Variants in DIS3L observed in about 807,000 individuals in gnomAD.
The protein encoded by DIS3L is DIS3-like exonuclease 1.
In DIS3L, 100 loss-of-function variants were observed where a neutral mutation model predicts 120.3. The ratio of observed to expected loss-of-function variants is 0.83; its 90% CI spans 0.71 to 0.98. The LOEUF (loss-of-function observed/expected upper bound fraction) is 0.98, where lower values mean the gene tolerates loss of function less well. Ranked by LOEUF, DIS3L falls within the 50% of genes least tolerant of loss-of-function variation. The probability of loss-of-function intolerance (pLI) is 0.00; values close to 1 mark genes in which losing one functional copy is unlikely to be tolerated. For synonymous variants in DIS3L, 426 were observed against 470.6 expected (o/e 0.91, Z 1.23); for missense variants, 1,196 against 1,314.2 (o/e 0.91, Z 1.39).
intron 8 of DIS3L, 123 bp downstream of exon 8, chr15:66,318,741 G>A (rs1189861970): frequency 3.9e-6 from 4 of 1,034,486 alleles, no homozygotes; most frequent in Non-Finnish European, 5.5e-6. Flanking sequence ...AATTATTGAT[G>A]GCATCTGGCA....
Position 66,315,118 on chromosome 15 carries a change from T to C in DIS3L, c.897T>C (p.Leu299=), listed in dbSNP as rs2092803607. The C allele has an allele frequency of 6.2e-7, 1 of 1,613,890 alleles. No homozygotes were observed. The highest frequency in any genetic ancestry group is 1.3e-5 in the African/African-American group (1 of 74,866). Residue 299 remains leucine (L), a synonymous_variant, in exon 7 of 17, where the codon CTT becomes CTC. Coordinates refer to ENST00000319212, the MANE Select transcript of DIS3L (RefSeq NM_001143688.3). ...IHGDVVVVEL[L]PKNEWKGRTV... ...GAGATGTGGTAGTTGTGGAGCTGCT[T>C]CCTAAAAATGAATGGAAAGGAAGAA... is the stretch of plus-strand genomic sequence containing the variant.
chr15:66,316,147 G>A (rs186550467), intron 7 of DIS3L, among the ~76,000 whole-genome samples: 3 of 151,982 alleles, frequency 2.0e-5, no homozygotes, highest in Non-Finnish European at 2.9e-5. Context: ...TGTCTATTTG[G>A]CATCTTCCCC....
intron 14 of DIS3L, 155 bp downstream of exon 14, chr15:66,329,554 G>T: frequency 1.5e-6 from 2 of 1,325,688 alleles, no homozygotes; most frequent in South Asian, 2.2e-5. Context: ...ATGTTCTCAG[G>T]TAACTTGTGG....
rs1022152791 is a variant in DIS3L at position 66,293,618 on chromosome 15, G to A, written c.22G>A (p.Val8Met). 6.2e-6 allele frequency: 9 copies of A among 1,446,480 alleles called. 1 individual carries two copies. The Middle Eastern group carries it at 7.4e-4, about 119-fold the overall frequency. 89.6% of individuals were successfully genotyped at this position (1,446,480 alleles called of 1,614,324 possible). ...CGCCATGCTGCAGAAGCGGGAGAAG[G>A]TGCTGCTGCTGAGGACCTTCCAGGG... MLQKREKVLLLRTFQGRT... is the reference protein window; with the variant it reads MLQKREKMLLLRTFQGRT... The change falls in exon 1 of 17, where the codon GTG (valine) becomes ATG (methionine). Residue 8 changes from valine to methionine, a missense_variant. Transcript: ENST00000319212.
intron 2 of DIS3L, among the ~76,000 whole-genome samples, chr15:66,301,731 T>C (rs1021403060): frequency 5.3e-5 from 8 of 152,232 alleles, no homozygotes; most frequent in Non-Finnish European, 1.0e-4. Flanking sequence ...AAAATATGAC[T>C]ATATCATATG....
At chr15:66,320,481 G>C (rs960642281) in intron 8 of DIS3L, 90 bp from the exon 9 acceptor site, 7 of 1,430,648 alleles carry the variant, frequency 4.9e-6, no homozygotes, top group Non-Finnish European at 6.5e-6. Flanking sequence ...TTGGAACCCA[G>C]TATTGTTTGC....
At chr15:66,315,996 G>T (rs970222339) in intron 7 of DIS3L, among the ~76,000 whole-genome samples, 3 of 152,118 alleles carry the variant, frequency 2.0e-5, no homozygotes, top group African/African-American at 7.2e-5. Context: ...CCATCTCATT[G>T]TCCTCTTGTA....
chr15:66,331,884 C>T lies in DIS3L; in HGVS notation c.2545C>T (p.His849Tyr). Residue 849 changes from histidine to tyrosine, a missense_variant, in exon 15 of 17, where the codon CAT becomes TAT. Coordinates refer to ENST00000319212, the MANE Select transcript of DIS3L (RefSeq NM_001143688.3). ...GTTGTGCTTCTTACAGGCAGCACAGCATTCTCAGAAGCAGTCTACTGAGCT... is the reference window on the plus strand; with the variant it reads ...GTTGTGCTTCTTACAGGCAGCACAGTATTCTCAGAAGCAGTCTACTGAGCT... The part of the protein sequence containing the change: ...HINNRNQAAQ[H>Y]SQKQSTELFQ... 6.3e-7 allele frequency: 1 copy of T among 1,599,726 alleles called. No homozygotes were observed.
intron 3 of DIS3L, 91 bp downstream of exon 3, chr15:66,307,043 T>C: frequency 6.6e-7 from 1 of 1,507,860 alleles, no homozygotes; most frequent in Middle Eastern, 2.1e-4. Flanking sequence ...AATAGTCTGC[T>C]AGAACAAACC....
rs951282081 is a variant in DIS3L, at chr15:66,330,170, G to A, written c.2535+771G>A. The A allele has an allele frequency of 2.4e-5, 21 of 862,522 alleles. No individual in the cohort carries two copies. In the East Asian group the frequency reaches 1.7e-3, roughly 70 times the overall value. The allele number at this position is 862,522 out of a possible 1,614,324, so 53.4% of individuals were successfully genotyped here. A position where few individuals can be genotyped will look rare whatever the true frequency, so the allele number is the denominator to read the frequency against. On this transcript the variant is annotated intron_variant, in intron 14 of 16. Transcript: ENST00000319212. ...ACAAAAAATTAGCATGGTGGCAGGCGCCTGTAGTCCCAGCTACTCAGGAGG... is the reference window on the plus strand; with the variant it reads ...ACAAAAAATTAGCATGGTGGCAGGCACCTGTAGTCCCAGCTACTCAGGAGG...
rs972494086 is a variant in DIS3L, at chr15:66,293,722, C to A, written c.126C>A (p.Ala42=). ...PCHSPLCPQP[A]ACSHDGKLLS... Reference sequence around the variant, plus strand: ...ACAGCCCGCTCTGCCCGCAGCCCGCCGCCTGCAGCCACGGTCAGGGCCGGG... The same window carrying A: ...ACAGCCCGCTCTGCCCGCAGCCCGCAGCCTGCAGCCACGGTCAGGGCCGGG... The change falls in exon 1 of 17, where the codon GCC becomes GCA. Residue 42 remains alanine (A), a synonymous_variant. Transcript: ENST00000319212. 1.8e-5 allele frequency: 23 copies of A among 1,309,738 alleles called. No individual in the cohort carries two copies. The African/African-American group carries it at 2.8e-4, about 16-fold the overall frequency. The allele number at this position is 1,309,738 out of a possible 1,614,324, so 81.1% of individuals were successfully genotyped here.
At chr15:66,294,293 C>A (rs1327087207) in intron 1 of DIS3L, 4 of 985,366 alleles carry the variant, frequency 4.1e-6, no homozygotes. Flanking sequence ...GGAAGTTGGA[C>A]TGGGGACTCC....
rs34668776 is a variant in DIS3L, at chr15:66,322,912, A to G, written c.1552A>G (p.Ile518Val). Residue 518 changes from isoleucine (I) to valine (V), a missense_variant, in exon 10 of 17, where the codon ATT (isoleucine) becomes GTT (valine). Physicochemically the swap from Ile to Val is conservative, Grantham distance 29. Transcript: ENST00000319212. ...VTHFVAPNSY[I>V]DIEARTRATT... Reference sequence around the variant, plus strand: ...ACACTTTGTGGCACCAAATTCTTACATTGATATTGAAGCTAGAACAAGGTA... The same window carrying G: ...ACACTTTGTGGCACCAAATTCTTACGTTGATATTGAAGCTAGAACAAGGTA... 11,332 of 1,614,124 alleles carry G rather than the reference A, an allele frequency of 7.0e-3. 600 individuals are homozygous for G. The African/African-American group carries it at 0.12, about 17-fold the overall frequency.
intron 4 of DIS3L, among the ~76,000 whole-genome samples, chr15:66,311,050 TAAA>T (rs34815047): frequency 1.5e-4 from 13 of 88,558 alleles, no homozygotes; most frequent in East Asian, 1.3e-3. Context: ...CCCTGTCCCT[TAAA>T]AAAAAAAAAA....
At chr15:66,323,225 C>T (rs193066966) in intron 10 of DIS3L, among the ~76,000 whole-genome samples, 5 of 152,300 alleles carry the variant, frequency 3.3e-5, no homozygotes, top group Non-Finnish European at 2.9e-5. Flanking sequence ...TCATTACACT[C>T]CAGTTTTTCT....
intron 9 of DIS3L, among the ~76,000 whole-genome samples, chr15:66,321,162 C>T (rs1056281550): frequency 1.3e-5 from 2 of 152,178 alleles, no homozygotes; most frequent in African/African-American, 4.8e-5. Context: ...AAATTATGCT[C>T]ATTATGAAAC....
chr15:66,311,089 A>G (rs2092755841), intron 4 of DIS3L, among the ~76,000 whole-genome samples: 1 of 150,650 alleles, frequency 6.6e-6, no homozygotes, highest in African/African-American at 2.4e-5. Flanking sequence ...GAATGTACAC[A>G]TACTGCTGGG....
At chr15:66,328,624 T>C (rs1161277092) in intron 12 of DIS3L, among the ~76,000 whole-genome samples, 1 of 152,206 alleles carries the variant, frequency 6.6e-6, no homozygotes, top group Non-Finnish European at 1.5e-5. Flanking sequence ...CCAAGTCCAT[T>C]ATTTTACCTA....
intron 2 of DIS3L, among the ~76,000 whole-genome samples, chr15:66,304,793 C>T (rs1197643876): frequency 2.0e-5 from 3 of 147,896 alleles, no homozygotes; most frequent in African/African-American, 5.0e-5. Flanking sequence ...CCCAGCTGCT[C>T]GGGAGGCTGG....
Sources: allele counts gnomAD v4.1 joint callset (sites outside exome capture counted in the v4.1 genomes callset), GRCh38; gene constraint gnomAD v4.1.1; transcripts MANE v1.5; gene names NCBI Gene and HGNC (gene_info 2026-07-23, HGNC 2026-07-21).